The following ULK4 variants were observed in gnomAD, a reference collection of about 807,000 sequenced individuals.
ULK4 encodes inactive serine/threonine-protein kinase ULK4.
ULK4 carries 133 observed loss-of-function variants against 160.6 expected under a neutral mutation model. That is an observed-to-expected ratio of 0.83 (90% CI 0.72 to 0.96). The LOEUF (loss-of-function observed/expected upper bound fraction) is 0.96, where lower values mean the gene tolerates loss of function less well. ULK4 is among the 40% of genes least tolerant of loss of function. The pLI is 0.00. For missense variants in ULK4, 1,580 were observed against 1,499.5 expected (o/e 1.05, Z -0.89); for synonymous variants, 534 against 539.8 (o/e 0.99, Z 0.15).
intron 35 of ULK4, among the ~76,000 whole-genome samples, chr3:41,389,845 T>C (rs2081913137): frequency 6.6e-6 from 1 of 152,182 alleles, no homozygotes; most frequent in Admixed American, 6.5e-5. Flanking sequence ...TTTTTTGTTG[T>C]GTCTCTGCCA....
At chr3:41,943,977 A>G (rs1395826677) in intron 2 of ULK4, among the ~76,000 whole-genome samples, 1 of 152,216 alleles carries the variant, frequency 6.6e-6, no homozygotes, top group Admixed American at 6.5e-5. Context: ...CTATGACAGA[A>G]CAGCCTTGTG....
intron 30 of ULK4, among the ~76,000 whole-genome samples, chr3:41,639,379 C>A (rs2034091996): frequency 6.6e-6 from 1 of 152,034 alleles, no homozygotes; most frequent in African/African-American, 2.4e-5. Flanking sequence ...AACTGATGAG[C>A]CAAAAATCAA....
chr3:41,288,116 C>G (rs1335818279), intron 35 of ULK4, among the ~76,000 whole-genome samples: 1 of 152,114 alleles, frequency 6.6e-6, no homozygotes, highest in Non-Finnish European at 1.5e-5. Flanking sequence ...CAGTTTGAGT[C>G]TAGTTATTCT....
At chr3:41,322,887 A>C (rs866743254) in intron 35 of ULK4, among the ~76,000 whole-genome samples, 13 of 152,298 alleles carry the variant, frequency 8.5e-5, no homozygotes, top group Admixed American at 2.0e-4. Context: ...GATTAGGGAA[A>C]GACTTCTTAA....
chr3:41,493,591 A>C (rs557926759), intron 32 of ULK4, among the ~76,000 whole-genome samples: 1 of 125,912 alleles, frequency 7.9e-6, no homozygotes, highest in Admixed American at 7.8e-5. Flanking sequence ...AGCAGAACTG[A>C]AGCAAATACA....
chr3:41,508,409 C>G (rs994781459), intron 32 of ULK4, among the ~76,000 whole-genome samples: 3 of 152,170 alleles, frequency 2.0e-5, no homozygotes, highest in African/African-American at 7.2e-5. Context: ...CCCTGCCCAC[C>G]ACCTGAGAAA....
intron 17 of ULK4, among the ~76,000 whole-genome samples, chr3:41,842,365 C>G (rs935130440): frequency 6.6e-6 from 1 of 152,050 alleles, no homozygotes; most frequent in Admixed American, 6.6e-5. Flanking sequence ...AAGACTTATA[C>G]AGCTACAGTA....
At chr3:41,733,138 A>G (rs1177138868) in intron 22 of ULK4, among the ~76,000 whole-genome samples, 1 of 152,104 alleles carries the variant, frequency 6.6e-6, no homozygotes, top group Non-Finnish European at 1.5e-5. Flanking sequence ...AAAATAATAA[A>G]CGTTTGCAGT....
intron 32 of ULK4, among the ~76,000 whole-genome samples, chr3:41,494,995 G>A (rs938287339): frequency 1.1e-4 from 16 of 151,968 alleles, no homozygotes; most frequent in African/African-American, 3.6e-4. Flanking sequence ...CGTGAAAATG[G>A]CCATACTGCC....
chr3:41,844,790 T>TAAAAAAAAAAAAAAA (rs35532895), intron 17 of ULK4, among the ~76,000 whole-genome samples: 1 of 125,088 alleles, frequency 8.0e-6, no homozygotes. Context: ...GAGGTTTTTC[T>TAAAAAAAAAAAAAAA]AAAAAAAAAA....
At chr3:41,548,240 C>T (rs549096591) in intron 32 of ULK4, among the ~76,000 whole-genome samples, 1 of 152,236 alleles carries the variant, frequency 6.6e-6, no homozygotes, top group East Asian at 1.9e-4. Flanking sequence ...GGTGTCCACA[C>T]ACATCTCCCA....
At chr3:41,434,196 AT>A (rs1326774576) in intron 34 of ULK4, among the ~76,000 whole-genome samples, 25 of 152,308 alleles carry the variant, frequency 1.6e-4, no homozygotes, top group African/African-American at 5.8e-4. Flanking sequence ...ACATAAATGA[AT>A]TTTATGTTTA....
intron 27 of ULK4, among the ~76,000 whole-genome samples, chr3:41,683,632 T>C (rs572170027): frequency 6.6e-6 from 1 of 151,804 alleles, no homozygotes; most frequent in Non-Finnish European, 1.5e-5. Flanking sequence ...CTTCTTCCTT[T>C]TTCCTTCCCT....
intron 32 of ULK4, among the ~76,000 whole-genome samples, chr3:41,520,576 T>C (rs1334525070): frequency 6.6e-6 from 1 of 152,200 alleles, no homozygotes; most frequent in Non-Finnish European, 1.5e-5. Flanking sequence ...TGGGGAATAT[T>C]ATAAGAGAAT....
intron 17 of ULK4, among the ~76,000 whole-genome samples, chr3:41,861,023 A>T (rs2042487512): frequency 6.6e-6 from 1 of 152,198 alleles, no homozygotes; most frequent in Admixed American, 6.5e-5. Context: ...GAAAAAGAAA[A>T]CTAAGAAAAA....
intron 34 of ULK4, among the ~76,000 whole-genome samples, chr3:41,444,301 G>A (rs1223845176): frequency 6.6e-6 from 1 of 150,992 alleles, no homozygotes; most frequent in Non-Finnish European, 1.5e-5. Flanking sequence ...TGAATTACCT[G>A]CTTAATTCTT....
chr3:41,826,129 A>G (rs13079681), intron 18 of ULK4, among the ~76,000 whole-genome samples: 38,586 of 151,954 alleles, frequency 0.25, 6,047 homozygotes, highest in African/African-American at 0.45. Flanking sequence ...TGACACCACC[A>G]GGCCTGCCCT....
intron 22 of ULK4, among the ~76,000 whole-genome samples, chr3:41,740,276 A>AT (rs938977879): frequency 1.5e-4 from 23 of 151,448 alleles, no homozygotes; most frequent in South Asian, 4.2e-4. Context: ...ATCAAAGCAG[A>AT]TTTTTTTTTA....
rs1469735891 is a variant in ULK4 at position 41,859,506 on chromosome 3, C to T, written c.1657-23535G>A. On this transcript the variant is annotated intron_variant, in intron 17 of 36. Transcript: ENST00000301831. The stretch of plus-strand genomic sequence containing the variant: ...TAATGATAACTTCCCAGTAAGGACC[C>T]TTAGGGATAAACCAAGGCACCAAGA... 3 of 547,672 alleles carry T rather than the reference C, an allele frequency of 5.5e-6. No homozygotes were observed. In the African/African-American group the frequency reaches 5.8e-5, roughly 11 times the overall value. The allele number at this position is 547,672 out of a possible 1,614,324, so 33.9% of individuals were successfully genotyped here. A position where few individuals can be genotyped will look rare whatever the true frequency, so the allele number is the denominator to read the frequency against.
Sources: allele counts gnomAD v4.1 joint callset (sites outside exome capture counted in the v4.1 genomes callset), GRCh38; gene constraint gnomAD v4.1.1; transcripts MANE v1.5; gene names NCBI Gene and HGNC (gene_info 2026-07-23, HGNC 2026-07-21).